Variants in GRIK1 observed in about 807,000 individuals in gnomAD.
GRIK1 encodes glutamate ionotropic receptor kainate type subunit 1.
In GRIK1, 69 loss-of-function variants were observed where a neutral mutation model predicts 105.7. The observed-to-expected ratio is 0.65, with a 90% CI of 0.54 to 0.80. The LOEUF (loss-of-function observed/expected upper bound fraction) is 0.80, where lower values mean the gene tolerates loss of function less well. Ranked by LOEUF, GRIK1 falls within the 30% of genes least tolerant of loss-of-function variation. GRIK1 has a pLI of 0.00. For synonymous variants in GRIK1, 438 were observed against 431.3 expected (o/e 1.02, Z -0.19); for missense variants, 1,109 against 1,167.3 (o/e 0.95, Z 0.73).
chr21:29,856,131 G>A (rs2068456698), intron 1 of GRIK1, among the ~76,000 whole-genome samples: 1 of 152,152 alleles, frequency 6.6e-6, no homozygotes, highest in African/African-American at 2.4e-5. Context: ...TTGAAAGTCA[G>A]CCCAGTGGTG....
intron 14 of GRIK1, among the ~76,000 whole-genome samples, chr21:29,572,774 T>TC (rs1491449890): frequency 2.1e-5 from 3 of 142,144 alleles, no homozygotes; most frequent in African/African-American, 6.2e-5. Flanking sequence ...CTTTTTTTTT[T>TC]CTTCTTCTTT....
At chr21:29,833,856 T>A (rs1363208077) in intron 1 of GRIK1, among the ~76,000 whole-genome samples, 1 of 152,200 alleles carries the variant, frequency 6.6e-6, no homozygotes, top group African/African-American at 2.4e-5. Context: ...ATTTCTTAAC[T>A]GCCATGAATA....
At chr21:29,564,032 T>A (rs186590180) in intron 14 of GRIK1, among the ~76,000 whole-genome samples, 4 of 152,372 alleles carry the variant, frequency 2.6e-5, no homozygotes, top group Admixed American at 2.6e-4. Flanking sequence ...CTTTTATTCA[T>A]GGACTCATTA....
chr21:29,614,942 G>A (rs1226952348), intron 7 of GRIK1, among the ~76,000 whole-genome samples: 2 of 151,584 alleles, frequency 1.3e-5, no homozygotes, highest in Admixed American at 6.6e-5. Flanking sequence ...GATAGAAAGC[G>A]AGCATCACAA....
intron 1 of GRIK1, among the ~76,000 whole-genome samples, chr21:29,822,135 T>C (rs555905259): frequency 4.4e-4 from 67 of 152,180 alleles, no homozygotes; most frequent in African/African-American, 1.4e-3. Flanking sequence ...AGTGTTTCTG[T>C]AAATGGTTGC....
chr21:29,658,420 G>A (rs953218335), intron 4 of GRIK1, among the ~76,000 whole-genome samples: 1 of 152,092 alleles, frequency 6.6e-6, no homozygotes, highest in Admixed American at 6.6e-5. Context: ...GTACCGCCAT[G>A]CCTGGCTAAT....
At chr21:29,729,049 GT>G (rs1344542519) in intron 1 of GRIK1, among the ~76,000 whole-genome samples, 1 of 152,070 alleles carries the variant, frequency 6.6e-6, no homozygotes, top group Non-Finnish European at 1.5e-5. Flanking sequence ...GAACTCAGAG[GT>G]TTTTTTCCCC....
intron 1 of GRIK1, among the ~76,000 whole-genome samples, chr21:29,731,027 A>G (rs2064611047): frequency 1.3e-5 from 2 of 152,310 alleles, no homozygotes; most frequent in East Asian, 1.9e-4. Flanking sequence ...CTGAAGAAAA[A>G]TGGGTTCCCC....
At chr21:29,760,566 A>T (rs1049886729) in intron 1 of GRIK1, 1 of 152,234 alleles carries the variant, frequency 6.6e-6, no homozygotes, top group African/African-American at 2.4e-5. Context: ...TAATCAAATT[A>T]GCCTTTAAGA....
At chr21:29,741,809 C>T (rs929163445) in intron 1 of GRIK1, among the ~76,000 whole-genome samples, 5 of 152,106 alleles carry the variant, frequency 3.3e-5, no homozygotes, top group Admixed American at 6.5e-5. Context: ...TTCCACAGGT[C>T]GAGTGGTAGA....
chr21:29,901,642 G>T (rs1012388553), intron 1 of GRIK1, among the ~76,000 whole-genome samples: 1 of 152,130 alleles, frequency 6.6e-6, no homozygotes, highest in Non-Finnish European at 1.5e-5. Context: ...CTGAAATTGA[G>T]CCAATAATTA....
intron 4 of GRIK1, among the ~76,000 whole-genome samples, chr21:29,658,294 TTC>T (rs2062893707): frequency 6.6e-6 from 1 of 152,148 alleles, no homozygotes; most frequent in African/African-American, 2.4e-5. Flanking sequence ...AAGAGTCTCA[TTC>T]TGTCGCCCCA....
At chr21:29,901,397 C>T (rs1404968626) in intron 1 of GRIK1, among the ~76,000 whole-genome samples, 2 of 151,898 alleles carry the variant, frequency 1.3e-5, no homozygotes, top group Non-Finnish European at 2.9e-5. Flanking sequence ...AGATGGACTG[C>T]TAGCAAAACT....
rs1185641286 is a variant in GRIK1, at chr21:29,674,465, C to T, written c.545-1301G>A. On this transcript the variant is annotated intron_variant, in intron 3 of 17. Transcript: ENST00000327783. ...TAGAACCTTATCAAGATTTAGTGCTCATTATCTGATATGGCTTGGCTCTGT... is the reference window on the plus strand; with the variant it reads ...TAGAACCTTATCAAGATTTAGTGCTTATTATCTGATATGGCTTGGCTCTGT... Among the ~76,000 whole-genome samples, 4 of 151,964 alleles carry T rather than the reference C, an allele frequency of 2.6e-5. No individual in the cohort carries two copies. In the East Asian group the frequency reaches 7.7e-4, roughly 29 times the overall value.
chr21:29,704,772 T>C (rs1173009593), intron 1 of GRIK1, among the ~76,000 whole-genome samples: 1 of 152,180 alleles, frequency 6.6e-6, no homozygotes, highest in Non-Finnish European at 1.5e-5. Flanking sequence ...TCACGGCCCA[T>C]TGTCCCCAAG....
At chr21:29,598,446 G>A (rs2061456580) in intron 8 of GRIK1, among the ~76,000 whole-genome samples, 1 of 152,152 alleles carries the variant, frequency 6.6e-6, no homozygotes, top group African/African-American at 2.4e-5. Context: ...TAATTTCTGG[G>A]TAACCCTTGG....
intron 3 of GRIK1, among the ~76,000 whole-genome samples, chr21:29,677,116 T>G (rs2063284090): frequency 6.6e-6 from 1 of 152,192 alleles, no homozygotes; most frequent in African/African-American, 2.4e-5. Context: ...TACTACTTAG[T>G]ATAATTTTTA....
intron 1 of GRIK1, among the ~76,000 whole-genome samples, chr21:29,817,116 G>A (rs945417129): frequency 2.6e-5 from 4 of 152,036 alleles, no homozygotes; most frequent in African/African-American, 9.7e-5. Context: ...CCAGAGTAAA[G>A]AAATGCTCAA....
At chr21:29,587,654 T>C (rs935738302) in intron 11 of GRIK1, 65 bp from the exon 12 acceptor site, 71 of 820,580 alleles carry the variant, frequency 8.7e-5, no homozygotes, top group Non-Finnish European at 1.2e-4. Flanking sequence ...AGACTTTTCC[T>C]GGGTACTCCT....
Sources: allele counts gnomAD v4.1 joint callset (sites outside exome capture counted in the v4.1 genomes callset), GRCh38; gene constraint gnomAD v4.1.1; transcripts MANE v1.5; gene names NCBI Gene and HGNC (gene_info 2026-07-23, HGNC 2026-07-21).